FAM91A1: variants seen among roughly 807,000 people sequenced by gnomAD.
FAM91A1 encodes the protein family with sequence similarity 91 member A1.
FAM91A1 carries 41 observed loss-of-function variants against 113.5 expected under a neutral mutation model. The observed-to-expected ratio is 0.36, with a 90% CI of 0.28 to 0.47. The LOEUF (loss-of-function observed/expected upper bound fraction) is 0.47, where lower values mean the gene tolerates loss of function less well. Among genes scored for constraint, FAM91A1 ranks in the 20% least tolerant of loss-of-function variants. The pLI is 1.00. For missense variants in FAM91A1, 696 were observed against 1,001.2 expected (o/e 0.70, Z 4.11); for synonymous variants, 307 against 347.9 (o/e 0.88, Z 1.31).
At chr8:123,791,737 T>C (rs1176606066) in intron 15 of FAM91A1, among the ~76,000 whole-genome samples, 1 of 152,210 alleles carries the variant, frequency 6.6e-6, no homozygotes, top group Non-Finnish European at 1.5e-5. Flanking sequence ...TGGTGCACAT[T>C]AGTACCGTTC....
chr8:123,810,412 T>G (rs765989099), intron 23 of FAM91A1, 61 bp downstream of exon 23: 2 of 1,431,220 alleles, frequency 1.4e-6, no homozygotes, highest in South Asian at 2.3e-5. Flanking sequence ...GCACAACACT[T>G]CTGTGTTTGT....
At chr8:123,790,799 C>T (rs1340512166) in intron 15 of FAM91A1, among the ~76,000 whole-genome samples, 1 of 152,182 alleles carries the variant, frequency 6.6e-6, no homozygotes, top group Non-Finnish European at 1.5e-5. Context: ...TATGCCTTAT[C>T]TGAAGAATTA....
At position 123,812,640 on chromosome 8, in the gene FAM91A1, T is replaced by G; in HGVS notation, c.2453T>G (p.Val818Gly). ...PAKNLIFKDG[V>G]LSEWSGRSPS... ...AAAAACTTAATATTTAAAGATGGTGTCTTATCAGAATGGAGTGGACGGTCA... is the reference window on the plus strand; with the variant it reads ...AAAAACTTAATATTTAAAGATGGTGGCTTATCAGAATGGAGTGGACGGTCA... The change falls in exon 24 of 24, where the codon GTC becomes GGC. Residue 818 changes from valine to glycine, a missense_variant. Transcript: ENST00000334705. 1 of 1,611,970 alleles carries G rather than the reference T, an allele frequency of 6.2e-7. No individual in the cohort carries two copies. The highest frequency in any genetic ancestry group is 8.5e-7 in the Non-Finnish European group (1 of 1,179,096).
intron 18 of FAM91A1, among the ~76,000 whole-genome samples, chr8:123,804,579 A>C (rs899717604): frequency 6.7e-6 from 1 of 149,370 alleles, no homozygotes; most frequent in Admixed American, 6.7e-5. Flanking sequence ...TCCACTCCCC[A>C]TCTCTCCTCC....
intron 6 of FAM91A1, 140 bp downstream of exon 6, chr8:123,778,912 C>A: frequency 1.8e-6 from 1 of 570,938 alleles, no homozygotes; most frequent in Non-Finnish European, 2.9e-6. Flanking sequence ...TTAAAATGAT[C>A]TTAGTAGACT....
At chr8:123,799,439 G>T in intron 16 of FAM91A1, 81 bp from the exon 17 acceptor site, 2 of 1,277,526 alleles carry the variant, frequency 1.6e-6, no homozygotes, top group Non-Finnish European at 2.1e-6. Context: ...TATGTGAAGG[G>T]ATTTGCTGTT....
At chr8:123,783,892 G>A (rs1294467989) in intron 8 of FAM91A1, among the ~76,000 whole-genome samples, 1 of 152,182 alleles carries the variant, frequency 6.6e-6, no homozygotes, top group Non-Finnish European at 1.5e-5. Flanking sequence ...GGCCCACTGG[G>A]GAGGATACCA....
intron 3 of FAM91A1, 98 bp from the exon 4 acceptor site, chr8:123,777,167 A>G: frequency 1.2e-6 from 1 of 844,680 alleles, no homozygotes; most frequent in Non-Finnish European, 1.8e-6. Flanking sequence ...TGCTTCCTGT[A>G]ATAATCATTG....
At chr8:123,798,346 G>A (rs957592069) in intron 16 of FAM91A1, 108 bp downstream of exon 16, 14 of 1,304,798 alleles carry the variant, frequency 1.1e-5, no homozygotes, top group African/African-American at 3.0e-5. Flanking sequence ...ATCATAGAAA[G>A]CAATTTTGTA....
chr8:123,806,541 A>G (rs377450588), intron 20 of FAM91A1, among the ~76,000 whole-genome samples: 205 of 152,304 alleles, frequency 1.3e-3, no homozygotes, highest in African/African-American at 4.6e-3. Flanking sequence ...TCTTTATACA[A>G]GTGTTTCCAA....
chr8:123,772,928 C>T (rs1468905513), intron 1 of FAM91A1, among the ~76,000 whole-genome samples: 1 of 152,172 alleles, frequency 6.6e-6, no homozygotes, highest in African/African-American at 2.4e-5. Context: ...CAGAGGTCTT[C>T]ATCCTTCTCT....
chr8:123,786,068 C>A, intron 11 of FAM91A1: 1 of 348,164 alleles, frequency 2.9e-6, no homozygotes, highest in Non-Finnish European at 5.6e-6. Flanking sequence ...ATCCACCCAC[C>A]TTGGCCTTCC....
At chr8:123,794,805 T>C (rs1815470701) in intron 15 of FAM91A1, among the ~76,000 whole-genome samples, 1 of 152,146 alleles carries the variant, frequency 6.6e-6, no homozygotes, top group East Asian at 1.9e-4. Context: ...AAAGTAACAT[T>C]ACAAGAAAAA....
At chr8:123,780,140 C>A in intron 7 of FAM91A1, 65 bp downstream of exon 7, 2 of 1,306,508 alleles carry the variant, frequency 1.5e-6, no homozygotes, top group South Asian at 1.2e-5. Context: ...TCAATAATTA[C>A]TAGCAATTAC....
intron 15 of FAM91A1, among the ~76,000 whole-genome samples, chr8:123,792,747 G>A (rs1409554653): frequency 6.6e-6 from 1 of 152,020 alleles, no homozygotes; most frequent in Non-Finnish European, 1.5e-5. Flanking sequence ...GGGTTAAGAC[G>A]TCCCTTCACT....
intron 6 of FAM91A1, 43 bp downstream of exon 6, chr8:123,778,815 G>T: frequency 2.4e-6 from 3 of 1,274,326 alleles, no homozygotes; most frequent in South Asian, 4.0e-5. Context: ...TTATTTTTTA[G>T]TTTATTTTAC....
chr8:123,808,504 G>T, intron 21 of FAM91A1, 128 bp downstream of exon 21: 3 of 606,328 alleles, frequency 4.9e-6, no homozygotes, highest in Non-Finnish European at 7.9e-6. Context: ...AGTTTTCTAG[G>T]AAGCCTTTTT....
intron 3 of FAM91A1, 35 bp from the exon 4 acceptor site, chr8:123,777,230 T>C: frequency 7.3e-7 from 1 of 1,367,920 alleles, no homozygotes; most frequent in Middle Eastern, 1.8e-4. Context: ...AAGGACATTT[T>C]AGATTTCAAA....
chr8:123,804,490 T>TAAAAA lies in FAM91A1; in HGVS notation c.1810-750_1810-746dup, dbSNP rs57808944. On this transcript the variant is annotated intron_variant, in intron 18 of 23. Transcript: ENST00000334705. ...TGAGTAACAGAGCAAGACTCTGTTT[T>TAAAAA]AAAAAAAAAAAAAAAAAAAAAAAAA... is the stretch of plus-strand genomic sequence containing the variant. 1.1e-4 allele frequency among the ~76,000 whole-genome samples: 8 copies of TAAAAA among 73,832 alleles called. 3 individuals carry two copies. The highest frequency in any genetic ancestry group is 1.1e-4 in the African/African-American group (2 of 18,338). 48.4% of individuals were successfully genotyped at this position (73,832 alleles called of 152,430 possible). A position where few individuals can be genotyped will look rare whatever the true frequency, so the allele number is the denominator to read the frequency against.
Sources: gnomAD v4.1 joint callset for allele counts (sites outside exome capture counted in the v4.1 genomes callset) on GRCh38, gnomAD v4.1.1 for gene constraint, MANE v1.5 for transcripts, NCBI Gene and HGNC (gene_info 2026-07-23, HGNC 2026-07-21) for gene names.